The following CD2AP variants were observed in gnomAD, a reference collection of about 807,000 sequenced individuals.
The protein encoded by CD2AP is CD2 associated protein, also known as CD2-associated protein.
CD2AP carries 46 observed loss-of-function variants against 85.1 expected under a neutral mutation model. That is an observed-to-expected ratio of 0.54 (90% CI 0.43 to 0.69). The LOEUF is 0.69. Among genes scored for constraint, CD2AP ranks in the 30% least tolerant of loss-of-function variants. CD2AP has a pLI of 0.00. For synonymous variants in CD2AP, 255 were observed against 252.9 expected (o/e 1.01, Z -0.08); for missense variants, 769 against 729.5 (o/e 1.05, Z -0.62).
intron 11 of CD2AP, among the ~76,000 whole-genome samples, chr6:47,586,705 C>G (rs781632317): frequency 1.3e-5 from 2 of 151,952 alleles, no homozygotes; most frequent in South Asian, 4.2e-4. Context: ...AGAAGGAAAA[C>G]GATACTAGAT....
At chr6:47,478,432 C>T (rs1765362194) in intron 1 of CD2AP, among the ~76,000 whole-genome samples, 184 bp downstream of exon 1, 1 of 150,440 alleles carries the variant, frequency 6.6e-6, no homozygotes. Flanking sequence ...CACGGAGAAA[C>T]TGGTGGGAGA....
At chr6:47,577,932 T>A (rs1039390935) in intron 8 of CD2AP, among the ~76,000 whole-genome samples, 14 of 152,110 alleles carry the variant, frequency 9.2e-5, no homozygotes, top group East Asian at 1.9e-4. Flanking sequence ...TAATTTTTTT[T>A]AAAAATAAGT....
intron 2 of CD2AP, among the ~76,000 whole-genome samples, chr6:47,522,504 G>A (rs1766623201): frequency 6.6e-6 from 1 of 152,194 alleles, no homozygotes. Flanking sequence ...GCTGGTAAGT[G>A]AACTGCTGTT....
chr6:47,580,756 T>C, intron 9 of CD2AP, 108 bp from the exon 10 acceptor site: 1 of 773,536 alleles, frequency 1.3e-6, no homozygotes, highest in East Asian at 2.7e-5. Flanking sequence ...AAGGATTGAA[T>C]GAAGAGGAGA....
chr6:47,623,848 A>AC (rs1769827121), intron 17 of CD2AP, among the ~76,000 whole-genome samples: 1 of 152,146 alleles, frequency 6.6e-6, no homozygotes, highest in African/African-American at 2.4e-5. Context: ...AATTATAGAT[A>AC]CATGTACATT....
intron 4 of CD2AP, among the ~76,000 whole-genome samples, chr6:47,551,098 G>A (rs1322972586): frequency 6.6e-6 from 1 of 152,100 alleles, no homozygotes; most frequent in Non-Finnish European, 1.5e-5. Flanking sequence ...CTCCTCAGGT[G>A]ATGGGTGCAC....
At chr6:47,575,841 T>C (rs989387075) in intron 6 of CD2AP, among the ~76,000 whole-genome samples, 1 of 151,060 alleles carries the variant, frequency 6.6e-6, no homozygotes, top group South Asian at 2.1e-4. Context: ...GTATAAAGAG[T>C]TTTTTTTTCT....
intron 13 of CD2AP, among the ~76,000 whole-genome samples, chr6:47,602,501 G>C (rs1477321132): frequency 3.3e-5 from 5 of 151,870 alleles, no homozygotes; most frequent in Non-Finnish European, 7.4e-5. Flanking sequence ...AAATTTTATA[G>C]TAACATAGCT....
chr6:47,577,580 G>A (rs1420719111), intron 8 of CD2AP, among the ~76,000 whole-genome samples: 1 of 152,188 alleles, frequency 6.6e-6, no homozygotes, highest in Non-Finnish European at 1.5e-5. Flanking sequence ...AAAGAATGAA[G>A]TGATTTTATA....
At chr6:47,557,158 C>A (rs1288535534) in intron 5 of CD2AP, among the ~76,000 whole-genome samples, 1 of 138,590 alleles carries the variant, frequency 7.2e-6, no homozygotes, top group Non-Finnish European at 1.6e-5. Flanking sequence ...CTTTGCCCAC[C>A]TTTTGATGGA....
intron 2 of CD2AP, among the ~76,000 whole-genome samples, chr6:47,532,692 C>T (rs1039197714): frequency 2.0e-5 from 3 of 152,022 alleles, no homozygotes; most frequent in Non-Finnish European, 4.4e-5. Context: ...ACAAAAACTC[C>T]CTCCGCTTTC....
intron 17 of CD2AP, among the ~76,000 whole-genome samples, chr6:47,618,300 A>G (rs1769652191): frequency 6.6e-6 from 1 of 152,194 alleles, no homozygotes; most frequent in African/African-American, 2.4e-5. Context: ...AGCCTGGGTG[A>G]CAGAACGAGA....
intron 2 of CD2AP, among the ~76,000 whole-genome samples, chr6:47,525,938 A>T (rs1035757665): frequency 6.6e-6 from 1 of 152,150 alleles, no homozygotes; most frequent in Non-Finnish European, 1.5e-5. Flanking sequence ...TTGACTATAC[A>T]TGATTGCTTT....
Position 47,579,645 on chromosome 6 carries a change from A to G in CD2AP, c.1008+156A>G, listed in dbSNP as rs190840846. The G allele has an allele frequency of 9.8e-6, 6 of 610,478 alleles. 1 individual carries two copies. In the Admixed American group the frequency reaches 1.4e-4, roughly 15 times the overall value. 37.8% of individuals were successfully genotyped at this position (610,478 alleles called of 1,614,324 possible). A position where few individuals can be genotyped will look rare whatever the true frequency, so the allele number is the denominator to read the frequency against. On this transcript the variant is annotated intron_variant, in intron 9 of 17. Coordinates refer to ENST00000359314, the MANE Select transcript of CD2AP (RefSeq NM_012120.3). ...GGAGTTATTTGAGTTATAGTAAAAC[A>G]AAATAATGTTTCAGTTCCGTACTTT...
At chr6:47,621,377 A>G (rs1249524824) in intron 17 of CD2AP, among the ~76,000 whole-genome samples, 1 of 152,174 alleles carries the variant, frequency 6.6e-6, no homozygotes, top group Admixed American at 6.5e-5. Context: ...CCATCCCTGC[A>G]TCCCTGGTAT....
At chr6:47,552,988 G>A (rs1767568355) in intron 4 of CD2AP, among the ~76,000 whole-genome samples, 1 of 139,074 alleles carries the variant, frequency 7.2e-6, no homozygotes, top group Admixed American at 7.0e-5. Flanking sequence ...TTGGGGGGGA[G>A]CATTTTTTTT....
At chr6:47,504,841 T>C (rs1766088974) in intron 2 of CD2AP, among the ~76,000 whole-genome samples, 1 of 152,052 alleles carries the variant, frequency 6.6e-6, no homozygotes, top group African/African-American at 2.4e-5. Flanking sequence ...AATCGCATTA[T>C]ATTAAAAAAA....
chr6:47,541,855 A>G (rs1767224291), intron 3 of CD2AP, among the ~76,000 whole-genome samples: 1 of 152,242 alleles, frequency 6.6e-6, no homozygotes, highest in East Asian at 1.9e-4. Flanking sequence ...GTAGCATGAC[A>G]TCTTTCTTTA....
At chr6:47,541,070 T>C (rs1404360430) in intron 3 of CD2AP, among the ~76,000 whole-genome samples, 1 of 152,184 alleles carries the variant, frequency 6.6e-6, no homozygotes, top group East Asian at 1.9e-4. Context: ...GTGAAAAATT[T>C]TACTGTGAAC....
Sources: allele counts gnomAD v4.1 joint callset (sites outside exome capture counted in the v4.1 genomes callset), GRCh38; gene constraint gnomAD v4.1.1; transcripts MANE v1.5; gene names NCBI Gene and HGNC (gene_info 2026-07-23, HGNC 2026-07-21).